EPB41: variants seen among roughly 807,000 people sequenced by gnomAD.
EPB41 encodes erythrocyte membrane protein band 4.1, also known as protein 4.1.
EPB41 carries 65 observed loss-of-function variants against 108.0 expected under a neutral mutation model. The observed-to-expected ratio is 0.60, with a 90% confidence interval of 0.49 to 0.74. The LOEUF (loss-of-function observed/expected upper bound fraction) is 0.74, where lower values mean the gene tolerates loss of function less well. Among genes scored for constraint, EPB41 ranks in the 30% least tolerant of loss-of-function variants. The pLI is 0.00. For synonymous variants in EPB41, 336 were observed against 358.9 expected, an observed-to-expected ratio of 0.94 and a Z score of 0.72; for missense variants, 875 against 1,037.0, an observed-to-expected ratio of 0.84 and a Z score of 2.15.
At chr1:28,912,542 A>G (rs76586574), upstream of EPB41, among the ~76,000 whole-genome samples, 1,287 of 152,326 alleles carry the variant, frequency 8.4e-3, 11 homozygotes, top group Middle Eastern at 0.075. Context: ...AATAATAATT[A>G]ACACACATAG....
intron 11 of EPB41, among the ~76,000 whole-genome samples, chr1:29,043,519 C>T (rs529056274): frequency 6.6e-6 from 1 of 152,276 alleles, no homozygotes; most frequent in East Asian, 1.9e-4. Context: ...GCCTGAGGAA[C>T]GGAATTTTAA....
At chr1:29,100,643 A>T (rs990383602) in intron 17 of EPB41, among the ~76,000 whole-genome samples, 2 of 146,624 alleles carry the variant, frequency 1.4e-5, no homozygotes, top group Non-Finnish European at 3.0e-5. Flanking sequence ...ATATATAAAT[A>T]AAATATTATA....
rs1363030242 is a variant in EPB41 at position 28,982,058 on chromosome 1, C to T, written c.-7-5373C>T. On this transcript the variant is annotated intron_variant, in intron 1 of 20. Transcript: ENST00000343067. Reference sequence around the variant, plus strand: ...TATCCCTCCCCCCTTCCCCACCCCACGACAGTCCCCGGTGTGTGATGTTCC... The same window carrying T: ...TATCCCTCCCCCCTTCCCCACCCCATGACAGTCCCCGGTGTGTGATGTTCC... Among the ~76,000 whole-genome samples, 4 of 151,648 alleles carry T rather than the reference C, an allele frequency of 2.6e-5. No homozygotes were observed. In the South Asian group the frequency reaches 6.3e-4, roughly 24 times the overall value.
At chr1:28,957,988 AT>A (rs1035640319) in intron 1 of EPB41, among the ~76,000 whole-genome samples, 1 of 150,718 alleles carries the variant, frequency 6.6e-6, no homozygotes, top group African/African-American at 2.4e-5. Context: ...ATTTATTATT[AT>A]TTTTTTTTAG....
chr1:29,032,554 CTG>C (rs1213836589), intron 8 of EPB41, among the ~76,000 whole-genome samples: 2 of 152,166 alleles, frequency 1.3e-5, no homozygotes, highest in African/African-American at 2.4e-5. Flanking sequence ...GCTAAACAAA[CTG>C]TTAGCTGTAG....
intron 1 of EPB41, among the ~76,000 whole-genome samples, chr1:28,947,554 T>C (rs538168459): frequency 6.6e-6 from 1 of 152,232 alleles, no homozygotes; most frequent in African/African-American, 2.4e-5. Flanking sequence ...CAGCGGGGTG[T>C]GGTGGCTTAC....
intron 11 of EPB41, among the ~76,000 whole-genome samples, chr1:29,042,767 C>T (rs1342354100): frequency 6.6e-6 from 1 of 152,006 alleles, no homozygotes; most frequent in African/African-American, 2.4e-5. Context: ...ACATGACACC[C>T]CCCAACTTTT....
intron 1 of EPB41, among the ~76,000 whole-genome samples, chr1:28,927,566 T>C (rs1217250763): frequency 6.6e-5 from 10 of 152,220 alleles, no homozygotes; most frequent in Admixed American, 4.6e-4. Flanking sequence ...TACTACTCTC[T>C]GTGTATGCTA....
intron 1 of EPB41, chr1:28,891,090 C>A: frequency 1.5e-6 from 1 of 683,984 alleles, no homozygotes; most frequent in Non-Finnish European, 1.8e-6. Flanking sequence ...AGGGGCAGCC[C>A]CACGCAGCTA....
At chr1:29,042,195 C>T (rs1221462401) in intron 11 of EPB41, among the ~76,000 whole-genome samples, 1 of 152,128 alleles carries the variant, frequency 6.6e-6, no homozygotes, top group Non-Finnish European at 1.5e-5. Flanking sequence ...ATCATTTTTA[C>T]AATGTTCCTC....
chr1:28,964,972 A>G (rs2149208444), intron 1 of EPB41, among the ~76,000 whole-genome samples: 1 of 152,316 alleles, frequency 6.6e-6, no homozygotes, highest in Non-Finnish European at 1.5e-5. Context: ...TATTCTCTGC[A>G]TATATTACTA....
intron 1 of EPB41, among the ~76,000 whole-genome samples, chr1:28,897,099 G>A (rs1477189026): frequency 1.3e-5 from 2 of 152,166 alleles, no homozygotes; most frequent in African/African-American, 2.4e-5. Flanking sequence ...TGGCCACCAG[G>A]GCCCAGGGTA....
chr1:28,994,360 A>ACCCC (rs1232399641), intron 3 of EPB41, among the ~76,000 whole-genome samples: 2 of 151,256 alleles, frequency 1.3e-5, no homozygotes, highest in Non-Finnish European at 2.9e-5. Context: ...TTAAGTAGAG[A>ACCCC]CGGGGTTTCA....
At chr1:29,019,723 G>T (rs2096620169) in intron 7 of EPB41, among the ~76,000 whole-genome samples, 1 of 152,148 alleles carries the variant, frequency 6.6e-6, no homozygotes, top group Non-Finnish European at 1.5e-5. Context: ...TCTCCTTGGG[G>T]TAGTTGGAAT....
intron 1 of EPB41, among the ~76,000 whole-genome samples, chr1:28,920,451 A>T (rs992875918): frequency 6.6e-6 from 1 of 152,130 alleles, no homozygotes; most frequent in African/African-American, 2.4e-5. Context: ...GAATCATAGC[A>T]CCGGACACAA....
In EPB41 at chr1:29,053,265, G is replaced by T. The variant is rs752707932; in HGVS notation, c.1798G>T (p.Asp600Tyr). The T allele has an allele frequency of 3.7e-6, 6 of 1,614,212 alleles. No individual in the cohort carries two copies. The highest frequency in any genetic ancestry group is 5.1e-6 in the Non-Finnish European group (6 of 1,180,046). The part of the protein sequence containing the change: ...ETVKAEVKKE[D>Y]EPPEQAEPEP... ...AGTGAAGGCTGAAGTGAAAAAGGAAGACGAGCCACCTGAGCAAGCTGAGCC... is the reference window on the plus strand; with the variant it reads ...AGTGAAGGCTGAAGTGAAAAAGGAATACGAGCCACCTGAGCAAGCTGAGCC... Residue 600 changes from aspartate to tyrosine, a missense_variant, in exon 12 of 21, where the codon GAC becomes TAC. Asp to Tyr is a radical substitution (Grantham distance 160). Around this residue, in one of 3 missense-constraint regions of EPB41, gnomAD observed 519 missense variants for 627.3 expected, o/e 0.83. Coordinates refer to ENST00000343067, the MANE Select transcript of EPB41 (RefSeq NM_001376013.1).
At chr1:28,911,108 A>C (rs1244790612), upstream of EPB41, 1 of 985,212 alleles carries the variant, frequency 1.0e-6, no homozygotes, top group East Asian at 1.1e-4. Flanking sequence ...CCCAGGAGTA[A>C]AGGTAGTTTT....
chr1:28,913,848 C>A (rs1488793982), upstream of EPB41, among the ~76,000 whole-genome samples: 1 of 152,108 alleles, frequency 6.6e-6, no homozygotes, highest in Non-Finnish European at 1.5e-5. Flanking sequence ...TCAGAGCAAC[C>A]CTCAGTTCAT....
At chr1:28,948,287 G>A (rs892650847) in intron 1 of EPB41, among the ~76,000 whole-genome samples, 1 of 152,068 alleles carries the variant, frequency 6.6e-6, no homozygotes, top group Non-Finnish European at 1.5e-5. Flanking sequence ...GCCGAGGCGG[G>A]CGGATCACGA....
Sources: allele counts gnomAD v4.1 joint callset (sites outside exome capture counted in the v4.1 genomes callset), GRCh38; gene constraint gnomAD v4.1.1; regional missense constraint gnomAD v4.1.1; transcripts MANE v1.5; gene names NCBI Gene and HGNC (gene_info 2026-07-23, HGNC 2026-07-21).